The following ARHGEF3 variants were observed in gnomAD, a reference collection of about 807,000 sequenced individuals.
ARHGEF3 encodes 59.8 kDA protein.
A neutral mutation model predicts 63.2 loss-of-function variants in ARHGEF3; 28 were observed. That is an observed-to-expected ratio of 0.44 (90% CI 0.33 to 0.61). ARHGEF3 has a LOEUF of 0.61. ARHGEF3 is among the 20% of genes least tolerant of loss of function. The probability of loss-of-function intolerance (pLI) is 0.03; values close to 1 mark genes in which losing one functional copy is unlikely to be tolerated. For missense variants in ARHGEF3, 533 were observed against 659.3 expected (o/e 0.81, Z 2.10); for synonymous variants, 266 against 254.2 (o/e 1.05, Z -0.44).
At chr3:56,796,587 G>A (rs2037379897) in intron 1 of ARHGEF3, among the ~76,000 whole-genome samples, 1 of 152,200 alleles carries the variant, frequency 6.6e-6, no homozygotes, top group Non-Finnish European at 1.5e-5. Flanking sequence ...ATTGACTAAT[G>A]GTGGGGTTTC....
intron 3 of ARHGEF3, among the ~76,000 whole-genome samples, chr3:56,923,762 GTTA>G (rs1196293862): frequency 2.0e-5 from 3 of 152,030 alleles, no homozygotes; most frequent in African/African-American, 7.3e-5. Flanking sequence ...TTTTTGTTTT[GTTA>G]TGTTTTGGGT....
chr3:56,742,501 A>AT (rs968098387), intron 7 of ARHGEF3, among the ~76,000 whole-genome samples: 1 of 152,012 alleles, frequency 6.6e-6, no homozygotes, highest in Non-Finnish European at 1.5e-5. Flanking sequence ...GCGCTCTCTG[A>AT]TTTTTCCCTT....
chr3:56,988,043 T>C (rs1389783102), intron 2 of ARHGEF3, among the ~76,000 whole-genome samples: 1 of 152,166 alleles, frequency 6.6e-6, no homozygotes, highest in African/African-American at 2.4e-5. Flanking sequence ...TAAGTGACCC[T>C]CAGCAAGTAC....
In ARHGEF3 at chr3:57,073,697, G is replaced by T. The variant is rs939694463; in HGVS notation, c.-28+5529C>A. On this transcript the variant is annotated intron_variant, in intron 1 of 12. Transcript: ENST00000338458. ...ATTCTGTTTTTGACTTGGGCCCCAT[G>T]TCCAGTTCTGCTCTGACTTGTGGGT... 6 of 1,611,610 alleles carry T rather than the reference G, an allele frequency of 3.7e-6. No homozygotes were observed. In the Admixed American group the frequency reaches 1.0e-4, roughly 27 times the overall value.
intron 2 of ARHGEF3, among the ~76,000 whole-genome samples, chr3:57,005,096 G>C (rs1364960566): frequency 6.6e-6 from 1 of 152,002 alleles, no homozygotes; most frequent in Non-Finnish European, 1.5e-5. Context: ...CTAAAATGTA[G>C]ACTATAAGGC....
chr3:56,739,734 A>G (rs145485540), intron 7 of ARHGEF3, among the ~76,000 whole-genome samples: 1 of 152,170 alleles, frequency 6.6e-6, no homozygotes, highest in East Asian at 1.9e-4. Flanking sequence ...CTAAAATGAT[A>G]TTGTCTGCCA....
At chr3:56,747,709 A>T (rs1482519590) in intron 6 of ARHGEF3, among the ~76,000 whole-genome samples, 1 of 152,194 alleles carries the variant, frequency 6.6e-6, no homozygotes, top group East Asian at 1.9e-4. Flanking sequence ...CTGTAATCCC[A>T]GCTTCTTGGG....
At chr3:56,941,189 T>A (rs150679595) in intron 3 of ARHGEF3, 296 of 152,540 alleles carry the variant, frequency 1.9e-3, no homozygotes, top group Non-Finnish European at 3.7e-3. Context: ...ATTTCATCAG[T>A]CCCCAGAGGC....
intron 4 of ARHGEF3, among the ~76,000 whole-genome samples, chr3:56,807,985 A>T (rs6809123): frequency 0.28 from 42,428 of 151,980 alleles, 6,563 homozygotes; most frequent in African/African-American, 0.39. Context: ...TTAGCCAGGC[A>T]TGGTGGCGGG....
chr3:56,975,869 C>A, intron 2 of ARHGEF3: 1 of 339,674 alleles, frequency 2.9e-6, no homozygotes, highest in Non-Finnish European at 5.7e-6. Context: ...TAGTCTTATT[C>A]ACTGGTTTTT....
At chr3:56,966,905 C>A (rs7372698) in intron 2 of ARHGEF3, among the ~76,000 whole-genome samples, 20,286 of 149,864 alleles carry the variant, frequency 0.14, 1,541 homozygotes, top group East Asian at 0.25. Flanking sequence ...CTCTTGCTGC[C>A]CAGGCTGGAG....
At chr3:57,072,031 T>G (rs940712929) in intron 1 of ARHGEF3, among the ~76,000 whole-genome samples, 2 of 152,182 alleles carry the variant, frequency 1.3e-5, no homozygotes, top group South Asian at 4.1e-4. Flanking sequence ...CACAACATCA[T>G]TAGCCATCTG....
intron 2 of ARHGEF3, among the ~76,000 whole-genome samples, chr3:56,969,717 C>T (rs1188438730): frequency 1.4e-5 from 2 of 147,126 alleles, no homozygotes; most frequent in African/African-American, 5.0e-5. Context: ...CGCACCACTG[C>T]ACTCCAGCCT....
intron 4 of ARHGEF3, among the ~76,000 whole-genome samples, chr3:56,857,102 C>T (rs1287891165): frequency 6.6e-6 from 1 of 152,060 alleles, no homozygotes; most frequent in Non-Finnish European, 1.5e-5. Flanking sequence ...AAAAGCCCTA[C>T]ATATTTGAAA....
chr3:56,741,472 C>G (rs1462435642), intron 7 of ARHGEF3, among the ~76,000 whole-genome samples: 56 of 143,902 alleles, frequency 3.9e-4, no homozygotes, highest in African/African-American at 1.4e-3. Flanking sequence ...GCATGAGCCA[C>G]TGCTCCTGGC....
At chr3:56,992,162 T>C (rs930177636) in intron 2 of ARHGEF3, among the ~76,000 whole-genome samples, 6 of 151,226 alleles carry the variant, frequency 4.0e-5, no homozygotes, top group African/African-American at 1.5e-4. Flanking sequence ...GGATGGTCCT[T>C]AGAACCAGCT....
At position 56,801,880 on chromosome 3, in the gene ARHGEF3, C is replaced by A; in HGVS notation, c.-82G>T. 1 of 1,550,044 alleles carries A rather than the reference C, an allele frequency of 6.5e-7. No individual in the cohort carries two copies. The highest frequency in any genetic ancestry group is 8.7e-7 in the Non-Finnish European group (1 of 1,146,806). ...ACTCCCAGGCAAAAGGGGGCCCCAG[C>A]TCCACGATGCCGGGCGGCGGCGGCG... On this transcript the variant is annotated 5_prime_UTR_variant, in exon 1 of 10. Transcript: ENST00000296315.
At chr3:56,967,768 ATATAT>A (rs1387249102) in intron 2 of ARHGEF3, among the ~76,000 whole-genome samples, 15 of 65,684 alleles carry the variant, frequency 2.3e-4, no homozygotes, top group East Asian at 6.2e-4. Flanking sequence ...ATTATATATA[ATATAT>A]TATATTATAT....
chr3:57,044,735 T>G (rs1275926886), intron 1 of ARHGEF3, among the ~76,000 whole-genome samples: 5 of 152,094 alleles, frequency 3.3e-5, no homozygotes, highest in African/African-American at 1.2e-4. Context: ...ATCACAAGTC[T>G]CTAGTCTTCC....
Sources: allele counts gnomAD v4.1 joint callset (sites outside exome capture counted in the v4.1 genomes callset), GRCh38; gene constraint gnomAD v4.1.1; transcripts MANE v1.5; gene names NCBI Gene and HGNC (gene_info 2026-07-23, HGNC 2026-07-21).